C12orf42: variants seen among roughly 807,000 people sequenced by gnomAD.
C12orf42 encodes the protein chromosome 12 open reading frame 42.
A neutral mutation model predicts 21.6 loss-of-function variants in C12orf42; 25 were observed. The ratio of observed to expected loss-of-function variants is 1.16; its 90% CI spans 0.84 to 1.62. The LOEUF is 1.62. Among genes scored for constraint, C12orf42 ranks in the 40% most tolerant of loss-of-function variants. The pLI, the probability that C12orf42 is intolerant of heterozygous loss-of-function variation, is 0.00. For synonymous variants in C12orf42, 174 were observed against 175.0 expected (o/e 0.99, Z 0.05); for missense variants, 483 against 459.3 (o/e 1.05, Z -0.47).
At chr12:103,339,676 A>T (rs1359734469) in intron 4 of C12orf42, among the ~76,000 whole-genome samples, 1 of 152,228 alleles carries the variant, frequency 6.6e-6, no homozygotes, top group Non-Finnish European at 1.5e-5. Context: ...GGCTATTATT[A>T]AAAAGTCAAA....
intron 2 of C12orf42, among the ~76,000 whole-genome samples, chr12:103,440,389 G>C (rs11111583): frequency 0.63 from 82,343 of 129,788 alleles, 26,659 homozygotes; most frequent in East Asian, 0.76. Flanking sequence ...GCACATGTAC[G>C]CTAAAACTTA....
At chr12:103,324,613 C>T (rs2040498086) in intron 4 of C12orf42, among the ~76,000 whole-genome samples, 1 of 152,106 alleles carries the variant, frequency 6.6e-6, no homozygotes, top group Admixed American at 6.6e-5. Flanking sequence ...TATGCGATTC[C>T]ATATGTCTCA....
At chr12:103,404,694 G>T (rs1304703595) in intron 2 of C12orf42, among the ~76,000 whole-genome samples, 1 of 152,152 alleles carries the variant, frequency 6.6e-6, no homozygotes, top group African/African-American at 2.4e-5. Context: ...CAAAAGTATG[G>T]TATAAATGAC....
chr12:103,406,716 G>A (rs964632146), intron 2 of C12orf42, among the ~76,000 whole-genome samples: 1 of 152,168 alleles, frequency 6.6e-6, no homozygotes, highest in African/African-American at 2.4e-5. Flanking sequence ...CTATGAAAAT[G>A]GATGCATAAG....
chr12:103,369,411 CAT>C (rs2044981615), intron 3 of C12orf42, among the ~76,000 whole-genome samples: 1 of 151,764 alleles, frequency 6.6e-6, no homozygotes, highest in African/African-American at 2.4e-5. Context: ...AGATGAAAAA[CAT>C]AAAATAAGAG....
At chr12:103,539,978 G>A in the C12orf42 span, among the ~76,000 whole-genome samples, 1 of 146,920 alleles carries the variant, frequency 6.8e-6, no homozygotes, top group African/African-American at 2.5e-5. Context: ...TATTGAACAT[G>A]AGGCCATGAG....
At chr12:103,368,021 C>T in intron 4 of C12orf42, 1 of 1,245,198 alleles carries the variant, frequency 8.0e-7, no homozygotes, top group Non-Finnish European at 1.0e-6. Flanking sequence ...CCTGCTTTAT[C>T]AGTTGTCCTA....
intron 2 of C12orf42, among the ~76,000 whole-genome samples, chr12:103,428,788 T>A (rs1235196709): frequency 6.6e-6 from 1 of 152,194 alleles, no homozygotes; most frequent in Non-Finnish European, 1.5e-5. Context: ...GTCAGCTTCA[T>A]CCCTGGGATG....
the C12orf42 span, among the ~76,000 whole-genome samples, chr12:103,523,858 A>G: frequency 2.0e-5 from 3 of 151,974 alleles, no homozygotes; most frequent in Non-Finnish European, 4.4e-5. Flanking sequence ...TGTGTAGGGA[A>G]CTTGCCCAAG....
intron 3 of C12orf42, among the ~76,000 whole-genome samples, chr12:103,375,584 T>C (rs1251499000): frequency 1.3e-5 from 2 of 152,212 alleles, no homozygotes; most frequent in East Asian, 1.9e-4. Flanking sequence ...CATATTATTA[T>C]TTATTGCATC....
In C12orf42 at chr12:103,293,212, A is replaced by G. The variant is rs188476071; in HGVS notation, n.338-16002T>C. On this transcript the variant is annotated intron_variant and non_coding_transcript_variant, in intron 4 of 6. Transcript: ENST00000546526. ...CTCTGGTCTCCTCTTTCTCTCCTCC[A>G]TGAATCAACATATATCTGCAGGTAT... 2.7e-3 allele frequency among the ~76,000 whole-genome samples: 412 copies of G among 152,148 alleles called. 2 individuals are homozygous for G. Among genetic ancestry groups the G allele is most frequent in the Middle Eastern group, 0.01 (3 of 294 alleles).
chr12:103,083,026 G>A, the C12orf42 span, among the ~76,000 whole-genome samples: 1 of 152,152 alleles, frequency 6.6e-6, no homozygotes, highest in African/African-American at 2.4e-5. Context: ...AAGGAGATGT[G>A]AAGTGAAGCC....
At chr12:103,213,563 G>A in the C12orf42 span, among the ~76,000 whole-genome samples, 5 of 152,164 alleles carry the variant, frequency 3.3e-5, no homozygotes, top group Non-Finnish European at 7.3e-5. Flanking sequence ...CTCAGTGCCA[G>A]CAAAACAGAA....
chr12:103,131,230 G>T, the C12orf42 span, among the ~76,000 whole-genome samples: 1 of 152,174 alleles, frequency 6.6e-6, no homozygotes, highest in African/African-American at 2.4e-5. Flanking sequence ...ATAATTGTGA[G>T]GCACTGGTGA....
At chr12:103,439,674 C>CTCTGATTTG (rs1202070178) in intron 2 of C12orf42, among the ~76,000 whole-genome samples, 3 of 151,616 alleles carry the variant, frequency 2.0e-5, no homozygotes, top group Non-Finnish European at 4.4e-5. Context: ...TCATCACTGG[C>CTCTGATTTG]CATCAGAGAA....
intron 4 of C12orf42, among the ~76,000 whole-genome samples, chr12:103,344,196 T>A (rs2042414737): frequency 1.3e-5 from 2 of 152,332 alleles, no homozygotes; most frequent in South Asian, 4.1e-4. Context: ...GGCAGCTGAA[T>A]CTTGGATCAA....
the C12orf42 span, chr12:103,505,899 TG>T: frequency 5.9e-6 from 1 of 170,704 alleles, no homozygotes; most frequent in Non-Finnish European, 1.2e-5. Flanking sequence ...GCTGGCTGCC[TG>T]GTTTCTGTTC....
chr12:103,199,863 C>T, the C12orf42 span, among the ~76,000 whole-genome samples: 1 of 152,102 alleles, frequency 6.6e-6, no homozygotes, highest in East Asian at 1.9e-4. Context: ...GAAAAAGGAA[C>T]CCTTTTACAA....
At chr12:103,436,198 T>C (rs1213891403) in intron 2 of C12orf42, among the ~76,000 whole-genome samples, 1 of 149,238 alleles carries the variant, frequency 6.7e-6, no homozygotes, top group Non-Finnish European at 1.5e-5. Flanking sequence ...GACAAGCAAA[T>C]GCTGAGAGAT....
Sources: allele counts gnomAD v4.1 joint callset (sites outside exome capture counted in the v4.1 genomes callset), GRCh38; gene constraint gnomAD v4.1.1; transcripts MANE v1.5; gene names NCBI Gene and HGNC (gene_info 2026-07-23, HGNC 2026-07-21).